Variants in ATP6V0A4 observed in about 807,000 individuals in gnomAD.
ATP6V0A4 encodes V-type proton ATPase 116 kDa subunit a 4.
Under a neutral mutation model 107.3 loss-of-function variants are expected in ATP6V0A4, and 86 were observed. That is an observed-to-expected ratio of 0.80 (90% CI 0.67 to 0.96). ATP6V0A4 has a LOEUF of 0.96. ATP6V0A4 is among the 40% of genes least tolerant of loss of function. The pLI is 0.00. For synonymous variants in ATP6V0A4, 353 were observed against 381.4 expected, an observed-to-expected ratio of 0.93 and a Z score of 0.87; for missense variants, 908 against 1,045.6, an observed-to-expected ratio of 0.87 and a Z score of 1.81.
chr7:138,798,072 C>T lies in ATP6V0A4; in HGVS notation c.-159G>A, dbSNP rs915193847. The T allele has an allele frequency of 3.2e-6, 5 of 1,576,372 alleles. No homozygotes were observed. The highest frequency in any genetic ancestry group is 4.3e-6 in the Non-Finnish European group (5 of 1,161,610). On this transcript the variant is annotated 5_prime_UTR_variant, in exon 1 of 22. An upstream open reading frame in the 5' UTR loses its in-frame stop. Coordinates refer to ENST00000310018, the MANE Select transcript of ATP6V0A4 (RefSeq NM_020632.3). ...TCGGCACAACTCCGCAGGACCGGCT[C>T]ACCTGCACCGGGCACTCAGCACAGC...
Position 138,786,254 on chromosome 7 carries a change from A to T in ATP6V0A4, c.-114T>A, listed in dbSNP as rs542172145. The T allele has an allele frequency of 2.0e-5, 3 of 152,362 alleles. No homozygotes were observed. The highest frequency in any genetic ancestry group is 4.4e-5 in the Non-Finnish European group (3 of 68,062). 9.4% of individuals were successfully genotyped at this position (152,362 alleles called of 1,614,324 possible). ...CTTGCCACGTCATGGAGGAACTGGA[A>T]ATGAGACTTAGGAAAATGAAGTTTT... On this transcript the variant is annotated 5_prime_UTR_variant, in exon 2 of 22. Coordinates refer to ENST00000310018, the MANE Select transcript of ATP6V0A4 (RefSeq NM_020632.3).
At chr7:138,714,401 CAACCCCAGGGGCTCGGATCTTTATCAA>C (rs1803922356) in intron 20 of ATP6V0A4, among the ~76,000 whole-genome samples, 1 of 152,006 alleles carries the variant, frequency 6.6e-6, no homozygotes, top group Non-Finnish European at 1.5e-5. Context: ...TGACGTTAGG[CAACCCCAGGGGCTCGGATCTTTATCAA>C]AACTGTATTT....
At chr7:138,727,596 G>A (rs918325623) in intron 18 of ATP6V0A4, among the ~76,000 whole-genome samples, 4 of 152,164 alleles carry the variant, frequency 2.6e-5, no homozygotes, top group African/African-American at 9.7e-5. Context: ...CAAACTTCCT[G>A]AACTCAAGTC....
At chr7:138,724,516 G>A (rs1476508589) in intron 18 of ATP6V0A4, among the ~76,000 whole-genome samples, 1 of 152,164 alleles carries the variant, frequency 6.6e-6, no homozygotes, top group Non-Finnish European at 1.5e-5. Flanking sequence ...GAGGAACAAG[G>A]CCTCTGTAGG....
chr7:138,763,211 A>C, intron 5 of ATP6V0A4, 186 bp from the exon 6 acceptor site: 1 of 327,058 alleles, frequency 3.1e-6, no homozygotes, highest in Non-Finnish European at 4.4e-6. Flanking sequence ...ACACACACAC[A>C]CGTGCATGCT....
chr7:138,757,562 T>C (rs975040330), intron 8 of ATP6V0A4, among the ~76,000 whole-genome samples: 4 of 152,040 alleles, frequency 2.6e-5, no homozygotes, highest in African/African-American at 9.7e-5. Context: ...GTTGGAAAAG[T>C]TATGACAAAT....
chr7:138,767,314 G>A (rs1807142349), intron 5 of ATP6V0A4, among the ~76,000 whole-genome samples: 1 of 152,204 alleles, frequency 6.6e-6, no homozygotes. Flanking sequence ...CCTGAGGTCA[G>A]GAGTTCGAGA....
intron 1 of ATP6V0A4, among the ~76,000 whole-genome samples, chr7:138,797,201 C>T (rs1808714960): frequency 6.8e-6 from 1 of 147,570 alleles, no homozygotes; most frequent in Non-Finnish European, 1.5e-5. Context: ...AGGCCAAATG[C>T]CATTTTCTTT....
intron 21 of ATP6V0A4, 145 bp from the exon 22 acceptor site, chr7:138,706,862 C>CCTGCTCACTATAACCTCCGCCTCTCAGG: frequency 8.1e-7 from 1 of 1,234,304 alleles, no homozygotes; most frequent in African/African-American, 1.6e-5. Context: ...GGCACCCAGG[C>CCTGCTCACTATAACCTCCGCCTCTCAGG]TGATGGCTGC....
intron 1 of ATP6V0A4, among the ~76,000 whole-genome samples, chr7:138,792,037 G>A (rs1808434860): frequency 6.6e-6 from 1 of 152,156 alleles, no homozygotes. Context: ...GGCCAGGTGT[G>A]GTGGCTCACG....
chr7:138,719,785 C>T (rs1161611066), intron 19 of ATP6V0A4, among the ~76,000 whole-genome samples: 3 of 152,078 alleles, frequency 2.0e-5, no homozygotes, highest in Admixed American at 6.6e-5. Context: ...TTTGGGAGGC[C>T]GAGGTAGGCG....
rs191088553 is a variant in ATP6V0A4, at chr7:138,781,583, G to A, written c.-18+4575C>T. Among the ~76,000 whole-genome samples the A allele has an allele frequency of 7.2e-5, 11 of 152,194 alleles. No individual in the cohort carries two copies. In the East Asian group the frequency reaches 2.1e-3, roughly 29 times the overall value. On this transcript the variant is annotated intron_variant, in intron 2 of 21. Coordinates refer to ENST00000310018, the MANE Select transcript of ATP6V0A4 (RefSeq NM_020632.3). ...CTAACCTCGTGATCCACCCACCCTG[G>A]CCTCCCAAAGTGCTGGGATTACAGG...
At chr7:138,736,395 C>T (rs1021692354) in intron 15 of ATP6V0A4, among the ~76,000 whole-genome samples, 1 of 152,080 alleles carries the variant, frequency 6.6e-6, no homozygotes, top group African/African-American at 2.4e-5. Flanking sequence ...GGTAATTTAT[C>T]ATAACCTCAG....
intron 19 of ATP6V0A4, among the ~76,000 whole-genome samples, chr7:138,718,392 G>A (rs1467934086): frequency 1.5e-5 from 2 of 132,164 alleles, no homozygotes; most frequent in African/African-American, 5.8e-5. Context: ...GTCTGTGGAG[G>A]GAGACGTCCA....
rs191960091 is a variant in ATP6V0A4, at chr7:138,751,272, C to G, written c.1029+1353G>C. On this transcript the variant is annotated intron_variant, in intron 11 of 21. Transcript: ENST00000310018. ...CAGAGCCTGCCTCCCACCGGCCCTG[C>G]TGCTTCACTCTGCTCCCAAACGCAG... 1.6e-3 allele frequency among the ~76,000 whole-genome samples: 245 copies of G among 152,342 alleles called. 1 individual carries two copies. Among genetic ancestry groups the G allele is most frequent in the African/African-American group, 5.4e-3 (225 of 41,596 alleles).
At chr7:138,754,247 G>A (rs1001223311) in intron 10 of ATP6V0A4, among the ~76,000 whole-genome samples, 18 of 151,920 alleles carry the variant, frequency 1.2e-4, no homozygotes, top group African/African-American at 4.8e-5. Flanking sequence ...TCGGGAGTTC[G>A]AGACCAGCCT....
intron 21 of ATP6V0A4, among the ~76,000 whole-genome samples, chr7:138,708,270 T>C (rs1326494470): frequency 6.6e-6 from 1 of 152,036 alleles, no homozygotes; most frequent in Non-Finnish European, 1.5e-5. Context: ...GGTCACAAAC[T>C]CCTGACCTCA....
chr7:138,743,545 G>C (rs1230878924), intron 14 of ATP6V0A4, among the ~76,000 whole-genome samples: 1 of 152,044 alleles, frequency 6.6e-6, no homozygotes, highest in African/African-American at 2.4e-5. Flanking sequence ...GGATGAAATT[G>C]ATTGTTCATT....
intron 20 of ATP6V0A4, among the ~76,000 whole-genome samples, chr7:138,710,390 C>T (rs1240706689): frequency 6.6e-6 from 1 of 151,964 alleles, no homozygotes; most frequent in Non-Finnish European, 1.5e-5. Context: ...TGGGGTTTCA[C>T]CACGTTGGCC....
Sources: gnomAD v4.1 joint callset for allele counts (sites outside exome capture counted in the v4.1 genomes callset) on GRCh38, gnomAD v4.1.1 for gene constraint, MANE v1.5 for transcripts, NCBI Gene and HGNC (gene_info 2026-07-23, HGNC 2026-07-21) for gene names.